N4BP1: variants seen among roughly 807,000 people sequenced by gnomAD.
N4BP1 encodes the protein NEDD4-binding protein 1.
In N4BP1, 21 loss-of-function variants were observed where a neutral mutation model predicts 70.9. The observed-to-expected ratio is 0.30, with a 90% CI of 0.21 to 0.43. N4BP1 has a LOEUF of 0.43. Among genes scored for constraint, N4BP1 ranks in the 20% least tolerant of loss-of-function variants. The pLI, the probability that N4BP1 is intolerant of heterozygous loss-of-function variation, is 1.00. For missense variants in N4BP1, 936 were observed against 1,069.4 expected, an observed-to-expected ratio of 0.88 and a Z score of 1.74; for synonymous variants, 387 against 394.6, an observed-to-expected ratio of 0.98 and a Z score of 0.23.
At chr16:48,563,044 AG>A (rs1963884036) in intron 1 of N4BP1, among the ~76,000 whole-genome samples, 1 of 152,224 alleles carries the variant, frequency 6.6e-6, no homozygotes. Context: ...TGTTTTCTAA[AG>A]AAAACCAGAC....
At chr16:48,564,088 T>C (rs1201203959) in intron 1 of N4BP1, among the ~76,000 whole-genome samples, 2 of 152,224 alleles carry the variant, frequency 1.3e-5, no homozygotes, top group Non-Finnish European at 1.5e-5. Flanking sequence ...ATTGTTTTTT[T>C]ACTGTTGAGT....
intron 1 of N4BP1, among the ~76,000 whole-genome samples, chr16:48,609,137 C>T (rs952996701): frequency 6.6e-6 from 1 of 152,016 alleles, no homozygotes; most frequent in African/African-American, 2.4e-5. Context: ...ATCACTTGAG[C>T]CCGGGAAGTC....
intron 1 of N4BP1, among the ~76,000 whole-genome samples, chr16:48,574,971 A>C (rs1745998551): frequency 6.6e-6 from 1 of 152,220 alleles, no homozygotes; most frequent in South Asian, 2.1e-4. Flanking sequence ...TCCTCATATA[A>C]CTAAAACTAG....
At chr16:48,552,749 G>A (rs114761075) in intron 3 of N4BP1, among the ~76,000 whole-genome samples, 96 of 105,518 alleles carry the variant, frequency 9.1e-4, no homozygotes, top group African/African-American at 3.1e-3. Flanking sequence ...GACTCCTTCA[G>A]GGATCCAATT....
At chr16:48,583,485 C>G (rs1161091365) in intron 1 of N4BP1, among the ~76,000 whole-genome samples, 1 of 152,084 alleles carries the variant, frequency 6.6e-6, no homozygotes, top group Admixed American at 6.6e-5. Context: ...AACTATTGTA[C>G]AGCATGGTGA....
At position 48,546,261 on chromosome 16, in the gene N4BP1, C is replaced by T. The variant is rs369560133; in HGVS notation, c.2226-7G>A. ...GAACGTGTACTGCAGCAGCCTACAACACAGAACACCATGAGGCTGAGAGAC... is the reference window on the plus strand; with the variant it reads ...GAACGTGTACTGCAGCAGCCTACAATACAGAACACCATGAGGCTGAGAGAC... On this transcript the variant is annotated splice_region_variant and splice_polypyrimidine_tract_variant and intron_variant, in intron 5 of 6. Transcript: ENST00000262384. 8.8e-6 allele frequency: 14 copies of T among 1,586,176 alleles called. No homozygotes were observed. The Admixed American group carries it at 9.0e-5, about 10-fold the overall frequency.
chr16:48,561,931 T>C lies in N4BP1; in HGVS notation c.712A>G (p.Asn238Asp). ...DETVLQEEAR[N>D]KAGTPVSELT... is the part of the protein sequence containing the mutation. ...TCAGAAACAGGAGTCCCAGCTTTAT[T>C]TCTTGCCTCTTCCTGCAAAACAGTT... The change falls in exon 2 of 7, where the codon AAT becomes GAT. Residue 238 changes from asparagine to aspartate, a missense_variant. Asn to Asp is a conservative substitution (Grantham distance 23). Transcript: ENST00000262384. 1.2e-6 allele frequency: 2 copies of C among 1,614,014 alleles called. No homozygotes were observed.
intron 2 of N4BP1, among the ~76,000 whole-genome samples, chr16:48,557,938 G>A (rs967411889): frequency 1.3e-5 from 2 of 152,088 alleles, no homozygotes; most frequent in African/African-American, 4.8e-5. Flanking sequence ...TGAAGCAACT[G>A]ATTTAAAATA....
intron 1 of N4BP1, among the ~76,000 whole-genome samples, chr16:48,570,984 G>T (rs138532888): frequency 6.6e-6 from 1 of 152,072 alleles, no homozygotes. Flanking sequence ...TAGAGACAGC[G>T]TTTCACCATG....
At chr16:48,591,999 A>G (rs1437640979) in intron 1 of N4BP1, among the ~76,000 whole-genome samples, 2 of 152,016 alleles carry the variant, frequency 1.3e-5, no homozygotes, top group African/African-American at 2.4e-5. Context: ...GGGATGGCTA[A>G]TAACAGTTAC....
intron 1 of N4BP1, among the ~76,000 whole-genome samples, chr16:48,591,632 G>GTTTTTTT (rs34007822): frequency 7.3e-6 from 1 of 136,994 alleles, no homozygotes; most frequent in Non-Finnish European, 1.6e-5. Context: ...AAAGGCCTTG[G>GTTTTTTT]TTTTTTTTTT....
chr16:48,607,432 C>T (rs1393599372), intron 1 of N4BP1, among the ~76,000 whole-genome samples: 1 of 152,124 alleles, frequency 6.6e-6, no homozygotes, highest in African/African-American at 2.4e-5. Flanking sequence ...TTGGATTAAT[C>T]GTTTTGTAAG....
intron 3 of N4BP1, among the ~76,000 whole-genome samples, chr16:48,552,554 C>T (rs368321398): frequency 6.6e-6 from 1 of 150,964 alleles, no homozygotes; most frequent in African/African-American, 2.4e-5. Flanking sequence ...AAAAATTAGC[C>T]GGGCGTGGTG....
chr16:48,582,124 G>A (rs1964182499), intron 1 of N4BP1, among the ~76,000 whole-genome samples: 2 of 152,160 alleles, frequency 1.3e-5, no homozygotes, highest in African/African-American at 4.8e-5. Flanking sequence ...ATTAAAAAAT[G>A]AGCAAAAGAT....
intron 1 of N4BP1, among the ~76,000 whole-genome samples, chr16:48,595,383 G>A (rs900854118): frequency 4.8e-5 from 7 of 144,990 alleles, no homozygotes; most frequent in African/African-American, 1.8e-4. Context: ...CTTGAACCCA[G>A]GGGGCAGAGG....
chr16:48,555,828 A>G (rs1963743405), intron 2 of N4BP1, among the ~76,000 whole-genome samples: 1 of 152,322 alleles, frequency 6.6e-6, no homozygotes, highest in South Asian at 2.1e-4. Context: ...AGAAATATGT[A>G]TATTTAGTCC....
At chr16:48,599,511 T>C (rs1408853713) in intron 1 of N4BP1, among the ~76,000 whole-genome samples, 3 of 152,236 alleles carry the variant, frequency 2.0e-5, no homozygotes, top group African/African-American at 7.2e-5. Flanking sequence ...AATCTTATTC[T>C]AACACTGTTT....
chr16:48,563,147 A>T (rs948646837), intron 1 of N4BP1, among the ~76,000 whole-genome samples: 2 of 152,146 alleles, frequency 1.3e-5, no homozygotes, highest in Middle Eastern at 3.4e-3. Flanking sequence ...AATTTAAAAA[A>T]AAAAGTTTTC....
chr16:48,551,538 A>T, intron 3 of N4BP1, 56 bp from the exon 4 acceptor site: 1 of 1,251,868 alleles, frequency 8.0e-7, no homozygotes, highest in Non-Finnish European at 1.1e-6. Flanking sequence ...TCCCAAATGT[A>T]TCAAGAAATG....
Sources: gnomAD v4.1 joint callset for allele counts (sites outside exome capture counted in the v4.1 genomes callset) on GRCh38, gnomAD v4.1.1 for gene constraint, MANE v1.5 for transcripts, NCBI Gene and HGNC (gene_info 2026-07-23, HGNC 2026-07-21) for gene names.